Variants in GNAO1 observed in about 807,000 individuals in gnomAD.
GNAO1 encodes the protein G protein subunit alpha o1.
For synonymous variants in GNAO1, 164 were observed against 180.7 expected, an observed-to-expected ratio of 0.91 and a Z score of 0.74; for missense variants, 166 against 478.7, an observed-to-expected ratio of 0.35 and a Z score of 6.10.
chr16:56,336,606 G>A, intron 5 of GNAO1, 125 bp from the exon 6 acceptor site: 1 of 812,074 alleles, frequency 1.2e-6, no homozygotes, highest in Non-Finnish European at 1.9e-6. Flanking sequence ...TTCTAGTGAG[G>A]GCTTTTAGCA....
chr16:56,284,108 C>T (rs2037140903), intron 3 of GNAO1, among the ~76,000 whole-genome samples: 1 of 152,186 alleles, frequency 6.6e-6, no homozygotes, highest in South Asian at 2.1e-4. Flanking sequence ...TCCACAAATA[C>T]TTATCACTCA....
At chr16:56,315,364 G>A (rs1484191095) in intron 3 of GNAO1, among the ~76,000 whole-genome samples, 2 of 152,154 alleles carry the variant, frequency 1.3e-5, no homozygotes, top group African/African-American at 4.8e-5. Context: ...TAGAAATTTT[G>A]TCTATCCAAT....
intron 6 of GNAO1, chr16:56,343,767 C>T: frequency 6.2e-7 from 1 of 1,612,386 alleles, no homozygotes; most frequent in Non-Finnish European, 8.5e-7. Flanking sequence ...CTGCAGGCCC[C>T]AGCGCCTTCA....
At chr16:56,250,485 G>A (rs1392742133) in intron 2 of GNAO1, among the ~76,000 whole-genome samples, 1 of 152,122 alleles carries the variant, frequency 6.6e-6, no homozygotes, top group Non-Finnish European at 1.5e-5. Flanking sequence ...GGTGGCTCTT[G>A]GGTAGAAAAA....
intron 3 of GNAO1, among the ~76,000 whole-genome samples, chr16:56,308,662 A>G (rs1309056755): frequency 6.6e-6 from 1 of 152,160 alleles, no homozygotes; most frequent in Non-Finnish European, 1.5e-5. Context: ...GAACATTGGC[A>G]CCTAAATGTT....
intron 2 of GNAO1, among the ~76,000 whole-genome samples, chr16:56,259,796 T>C (rs1356798027): frequency 6.6e-6 from 1 of 152,168 alleles, no homozygotes; most frequent in Non-Finnish European, 1.5e-5. Flanking sequence ...ACAACAGAAA[T>C]CTTCTGATTG....
At chr16:56,301,526 T>C (rs971403779) in intron 3 of GNAO1, among the ~76,000 whole-genome samples, 1 of 152,238 alleles carries the variant, frequency 6.6e-6, no homozygotes, top group African/African-American at 2.4e-5. Context: ...CTGTTTGCCC[T>C]CTAAGCGCTT....
chr16:56,295,505 C>G (rs897585428), intron 3 of GNAO1, among the ~76,000 whole-genome samples: 32 of 152,276 alleles, frequency 2.1e-4, no homozygotes, highest in African/African-American at 7.5e-4. Flanking sequence ...GCTAGCACCC[C>G]AGGGCCAGCC....
At chr16:56,220,347 A>C (rs1295744753) in intron 2 of GNAO1, among the ~76,000 whole-genome samples, 1 of 152,198 alleles carries the variant, frequency 6.6e-6, no homozygotes, top group African/African-American at 2.4e-5. Flanking sequence ...CATTCTTTCA[A>C]AAATTGTTCA....
rs539913304 is a variant in GNAO1 at position 56,298,838 on chromosome 16, C to A, written c.303+22766C>A. On this transcript the variant is annotated intron_variant, in intron 3 of 8. Coordinates refer to ENST00000262493, the MANE Select transcript of GNAO1 (RefSeq NM_020988.3). ...GCTGAGGCAGGAGAATGGTGTGAACCCGGTAGGCGGAGCTTGCAGTGAGCT... is the reference window on the plus strand; with the variant it reads ...GCTGAGGCAGGAGAATGGTGTGAACACGGTAGGCGGAGCTTGCAGTGAGCT... Among the ~76,000 whole-genome samples the A allele has an allele frequency of 1.4e-3, 213 of 151,606 alleles. 1 individual carries two copies. The highest frequency in any genetic ancestry group is 3.2e-3 in the Admixed American group (49 of 15,254).
In GNAO1 at chr16:56,324,023, C is replaced by G. The variant is rs561906307; in HGVS notation, c.304-4608C>G. On this transcript the variant is annotated intron_variant, in intron 3 of 8. Transcript: ENST00000262493. Reference sequence around the variant, plus strand: ...GGAAGACAGGAGAGAGCGGGAAGGGCGGGGGGCCAGGGGGTGTTGCTGCCA... The same window carrying G: ...GGAAGACAGGAGAGAGCGGGAAGGGGGGGGGGCCAGGGGGTGTTGCTGCCA... Among the ~76,000 whole-genome samples the G allele has an allele frequency of 5.4e-4, 82 of 151,586 alleles. 1 individual carries two copies. Among genetic ancestry groups the G allele is most frequent in the African/African-American group, 1.9e-3 (79 of 41,392 alleles).
intron 2 of GNAO1, among the ~76,000 whole-genome samples, chr16:56,250,509 C>T (rs1301691567): frequency 6.6e-6 from 1 of 152,192 alleles, no homozygotes; most frequent in African/African-American, 2.4e-5. Context: ...GCATGCAAGA[C>T]AGAGCTTTCC....
chr16:56,349,548 C>T (rs185660419), intron 6 of GNAO1, among the ~76,000 whole-genome samples: 1 of 152,282 alleles, frequency 6.6e-6, no homozygotes, highest in East Asian at 1.9e-4. Flanking sequence ...TGCTCCTCCC[C>T]GGAGGGATCA....
intron 2 of GNAO1, among the ~76,000 whole-genome samples, chr16:56,269,771 C>T (rs1475608241): frequency 6.6e-6 from 1 of 152,158 alleles, no homozygotes; most frequent in African/African-American, 2.4e-5. Flanking sequence ...AGCCTAGGGC[C>T]TCTGAGTTTG....
At chr16:56,214,779 A>G (rs1306033843) in intron 2 of GNAO1, among the ~76,000 whole-genome samples, 1 of 152,190 alleles carries the variant, frequency 6.6e-6, no homozygotes, top group Non-Finnish European at 1.5e-5. Context: ...TGAGCTGTCC[A>G]CAATTCTCAC....
At chr16:56,347,230 G>C (rs966968260) in intron 6 of GNAO1, 4 of 985,460 alleles carry the variant, frequency 4.1e-6, no homozygotes, top group Non-Finnish European at 4.8e-6. Context: ...GCCTCTGGGA[G>C]CCTTCAGGCA....
In GNAO1 at chr16:56,288,834, C is replaced by T. The variant is rs540400418; in HGVS notation, c.303+12762C>T. On this transcript the variant is annotated intron_variant, in intron 3 of 8. Coordinates refer to ENST00000262493, the MANE Select transcript of GNAO1 (RefSeq NM_020988.3). ...AAAGACCAGCCCCTAGGCCCTGCCT[C>T]GGCTGGCAGGGTGACCTCAGGCCCA... Among the ~76,000 whole-genome samples the T allele has an allele frequency of 1.9e-3, 291 of 152,214 alleles. 2 individuals carry two copies. Among genetic ancestry groups the T allele is most frequent in the African/African-American group, 6.7e-3 (280 of 41,536 alleles).
chr16:56,242,131 C>A (rs1197400447), intron 2 of GNAO1, among the ~76,000 whole-genome samples: 5 of 152,170 alleles, frequency 3.3e-5, no homozygotes, highest in African/African-American at 4.8e-5. Context: ...CATTCTGGCA[C>A]TTCACCTGAG....
intron 2 of GNAO1, among the ~76,000 whole-genome samples, chr16:56,244,634 C>A (rs1231938060): frequency 4.6e-5 from 7 of 152,106 alleles, no homozygotes; most frequent in Non-Finnish European, 1.0e-4. Flanking sequence ...TCATTTGACC[C>A]CCTGGGACTT....
Sources: allele counts gnomAD v4.1 joint callset (sites outside exome capture counted in the v4.1 genomes callset), GRCh38; gene constraint gnomAD v4.1.1; transcripts MANE v1.5; gene names NCBI Gene and HGNC (gene_info 2026-07-23, HGNC 2026-07-21).